AFF1: variants seen among roughly 807,000 people sequenced by gnomAD.
AFF1 encodes ALF transcription elongation factor 1.
In AFF1, 48 loss-of-function variants were observed where a neutral mutation model predicts 121.7. The observed-to-expected ratio is 0.39, with a 90% CI of 0.31 to 0.50. AFF1 has a LOEUF of 0.50. Among genes scored for constraint, AFF1 ranks in the 20% least tolerant of loss-of-function variants. The pLI, the probability that AFF1 is intolerant of heterozygous loss-of-function variation, is 0.76. For missense variants in AFF1, 1,523 were observed against 1,511.7 expected, an observed-to-expected ratio of 1.01 and a Z score of -0.12; for synonymous variants, 613 against 563.0, an observed-to-expected ratio of 1.09 and a Z score of -1.26.
At chr4:86,958,032 A>G (rs371186503) in intron 2 of AFF1, among the ~76,000 whole-genome samples, 90 of 151,576 alleles carry the variant, frequency 5.9e-4, no homozygotes, top group African/African-American at 2.0e-3. Flanking sequence ...ACCTAATAAA[A>G]TTAACATCTT....
rs1729527037 is a variant in AFF1, at chr4:87,139,158, G to C, written c.*3457G>C. On this transcript the variant is annotated 3_prime_UTR_variant, in exon 21 of 21. Coordinates refer to ENST00000395146, the MANE Select transcript of AFF1 (RefSeq NM_001166693.3). ...ATATATACACTTAAATAGAGAAAAA[G>C]AGGTTGATTGAATTGTGCCTTTGAG... is the stretch of plus-strand genomic sequence containing the variant. 4.3e-6 allele frequency: 1 copy of C among 230,530 alleles called. No individual in the cohort carries two copies. Among genetic ancestry groups the C allele is most frequent in the Non-Finnish European group, 8.6e-6 (1 of 116,434 alleles). 14.3% of individuals were successfully genotyped at this position (230,530 alleles called of 1,614,324 possible).
chr4:87,087,813 A>T (rs1165098510), intron 5 of AFF1, among the ~76,000 whole-genome samples: 1 of 152,220 alleles, frequency 6.6e-6, no homozygotes, highest in Admixed American at 6.5e-5. Flanking sequence ...TTCCAAATAA[A>T]TTATTGAAAA....
At chr4:86,998,098 C>CAAAAAAAAAAAAAAAAAAAAAAAAAAAAA (rs56741955) in intron 2 of AFF1, among the ~76,000 whole-genome samples, 2 of 91,748 alleles carry the variant, frequency 2.2e-5, no homozygotes, top group Non-Finnish European at 4.2e-5. Flanking sequence ...AACTCCGTCT[C>CAAAAAAAAAAAAAAAAAAAAAAAAAAAAA]AAAAAAAAAA....
chr4:87,117,385 T>C (rs543924468), intron 12 of AFF1, among the ~76,000 whole-genome samples: 3 of 152,208 alleles, frequency 2.0e-5, no homozygotes, highest in African/African-American at 2.4e-5. Context: ...ACAGTCTGCC[T>C]CCGTGGTACT....
intron 10 of AFF1, among the ~76,000 whole-genome samples, chr4:87,107,209 TTCTAA>T (rs2149749458): frequency 6.6e-6 from 1 of 152,376 alleles, no homozygotes; most frequent in South Asian, 2.1e-4. Flanking sequence ...ATAATTTTTA[TTCTAA>T]TATGTGTTAT....
chr4:86,978,901 C>A (rs192742100), intron 2 of AFF1, among the ~76,000 whole-genome samples: 1 of 152,168 alleles, frequency 6.6e-6, no homozygotes, highest in Non-Finnish European at 1.5e-5. Context: ...TCTCCCACTT[C>A]CCTTTTTAAA....
At chr4:87,060,022 CAG>C (rs1288609487) in intron 4 of AFF1, among the ~76,000 whole-genome samples, 1 of 152,180 alleles carries the variant, frequency 6.6e-6, no homozygotes, top group Non-Finnish European at 1.5e-5. Flanking sequence ...CTTGGCTTAA[CAG>C]AGGGGTGAAG....
intron 11 of AFF1, among the ~76,000 whole-genome samples, chr4:87,111,012 A>ATTTTATTTTATTTT (rs1344382644): frequency 3.4e-5 from 1 of 29,276 alleles, no homozygotes; most frequent in African/African-American, 8.9e-5. Flanking sequence ...TTTTTTTTTT[A>ATTTTATTTTATTTT]TTTTTTTTTT....
intron 2 of AFF1, among the ~76,000 whole-genome samples, chr4:87,027,789 T>TG (rs1288649403): frequency 1.4e-5 from 2 of 138,074 alleles, no homozygotes; most frequent in African/African-American, 5.6e-5. Context: ...GTTGGGTTTT[T>TG]TTTTTTTTTT....
chr4:87,115,712 G>T (rs1474074669), intron 12 of AFF1, among the ~76,000 whole-genome samples: 1 of 145,344 alleles, frequency 6.9e-6, no homozygotes, highest in African/African-American at 2.5e-5. Context: ...GGGGTGAAAC[G>T]ATCCTCCTAC....
chr4:87,006,989 G>T, intron 2 of AFF1: 1 of 1,074,822 alleles, frequency 9.3e-7, no homozygotes, highest in Non-Finnish European at 1.1e-6. Flanking sequence ...GAGCCCAGAG[G>T]CAATTTCTTT....
At chr4:87,036,191 T>TA (rs1729549554) in intron 2 of AFF1, among the ~76,000 whole-genome samples, 1 of 152,186 alleles carries the variant, frequency 6.6e-6, no homozygotes, top group Non-Finnish European at 1.5e-5. Flanking sequence ...TATCTCAGGT[T>TA]AAAAAAATTG....
rs542638217 is a variant in AFF1, at chr4:87,007,178, G to A, written c.39-38988G>A. The stretch of plus-strand genomic sequence containing the variant: ...GTCTGAAGTGCAGATCGCCGCAGAG[G>A]CCCCAGTGCCCGGATGTCCATCAGG... On this transcript the variant is annotated intron_variant, in intron 2 of 20. Coordinates refer to ENST00000395146, the MANE Select transcript of AFF1 (RefSeq NM_001166693.3). 5 of 1,364,652 alleles carry A rather than the reference G, an allele frequency of 3.7e-6. No individual in the cohort carries two copies. In the African/African-American group the frequency reaches 7.6e-5, roughly 21 times the overall value. 84.5% of individuals were successfully genotyped at this position (1,364,652 alleles called of 1,614,324 possible).
chr4:86,955,180 T>C (rs1421100198), intron 2 of AFF1, among the ~76,000 whole-genome samples: 4 of 152,186 alleles, frequency 2.6e-5, no homozygotes, highest in Non-Finnish European at 5.9e-5. Context: ...AAAATGACAA[T>C]AAAAGTGGAA....
Position 87,140,002 on chromosome 4 carries a change from G to A in AFF1, c.*4301G>A, listed in dbSNP as rs112201143. The stretch of plus-strand genomic sequence containing the variant: ...GACATTATATTCTGTTCCACTGAAC[G>A]TCAGAGATCAGCAGGCACTGTACTG... On this transcript the variant is annotated 3_prime_UTR_variant, in exon 21 of 21. Coordinates refer to ENST00000395146, the MANE Select transcript of AFF1 (RefSeq NM_001166693.3). 8.4e-4 allele frequency: 174 copies of A among 206,896 alleles called. 1 individual carries two copies. The highest frequency in any genetic ancestry group is 4.8e-3 in the Middle Eastern group (3 of 630). The allele number at this position is 206,896 out of a possible 1,614,324, so 12.8% of individuals were successfully genotyped here. A position where few individuals can be genotyped will look rare whatever the true frequency, so the allele number is the denominator to read the frequency against.
At position 87,134,314 on chromosome 4, in the gene AFF1, G is replaced by A. The variant is rs577546432; in HGVS notation, c.3312-157G>A. Among the ~76,000 whole-genome samples the A allele has an allele frequency of 3.3e-5, 5 of 152,330 alleles. No homozygotes were observed. The East Asian group carries it at 5.8e-4, about 18-fold the overall frequency. On this transcript the variant is annotated intron_variant, in intron 19 of 20. Coordinates refer to ENST00000395146, the MANE Select transcript of AFF1 (RefSeq NM_001166693.3). ...ACAGATTAGCCCAGCAGGGTGTCTC[G>A]TTGACCTTGTAGGAGTGACTTTAGC...
intron 2 of AFF1, among the ~76,000 whole-genome samples, chr4:86,985,300 C>G (rs1397851847): frequency 2.0e-5 from 3 of 148,712 alleles, no homozygotes; most frequent in African/African-American, 7.5e-5. Flanking sequence ...CACCTGAGGT[C>G]AGGAGTTTGA....
chr4:87,010,355 C>T (rs1282262270), intron 2 of AFF1, among the ~76,000 whole-genome samples: 1 of 152,136 alleles, frequency 6.6e-6, no homozygotes, highest in Non-Finnish European at 1.5e-5. Flanking sequence ...AAGGTGGTCA[C>T]TGAGAAATGT....
At chr4:87,045,527 T>TA (rs1356758712) in intron 2 of AFF1, among the ~76,000 whole-genome samples, 3 of 152,150 alleles carry the variant, frequency 2.0e-5, no homozygotes, top group Admixed American at 1.3e-4. Flanking sequence ...AGTCAGATTA[T>TA]AAAGCGTTCT....
Sources: allele counts gnomAD v4.1 joint callset (sites outside exome capture counted in the v4.1 genomes callset), GRCh38; gene constraint gnomAD v4.1.1; transcripts MANE v1.5; gene names NCBI Gene and HGNC (gene_info 2026-07-23, HGNC 2026-07-21).